SLC4A4: variants seen among roughly 807,000 people sequenced by gnomAD.
SLC4A4 encodes the protein electrogenic sodium bicarbonate cotransporter 1.
Under a neutral mutation model 111.5 loss-of-function variants are expected in SLC4A4, and 27 were observed. The observed-to-expected ratio is 0.24, with a 90% CI of 0.18 to 0.33. The LOEUF (loss-of-function observed/expected upper bound fraction) is 0.33. Among genes scored for constraint, SLC4A4 ranks in the 10% least tolerant of loss-of-function variants. The pLI is 1.00. For synonymous variants in SLC4A4, 443 were observed against 463.4 expected, an observed-to-expected ratio of 0.96 and a Z score of 0.57; for missense variants, 909 against 1,315.5, an observed-to-expected ratio of 0.69 and a Z score of 4.78.
At chr4:71,527,699 A>G (rs1733542800) in intron 16 of SLC4A4, among the ~76,000 whole-genome samples, 1 of 151,758 alleles carries the variant, frequency 6.6e-6, no homozygotes, top group Non-Finnish European at 1.5e-5. Context: ...TCTTTATTAA[A>G]AAAAAAAAGG....
At chr4:71,264,115 G>A (rs1425548239) in intron 3 of SLC4A4, among the ~76,000 whole-genome samples, 1 of 152,010 alleles carries the variant, frequency 6.6e-6, no homozygotes, top group East Asian at 1.9e-4. Flanking sequence ...GTGTATCTGG[G>A]ATAGATATAC....
chr4:71,136,395 T>A (rs565659391), intron 2 of SLC4A4, among the ~76,000 whole-genome samples: 4 of 152,196 alleles, frequency 2.6e-5, no homozygotes, highest in African/African-American at 9.6e-5. Flanking sequence ...CACCTGCCAC[T>A]TGGAACAGAT....
intron 2 of SLC4A4, among the ~76,000 whole-genome samples, chr4:71,254,500 GA>G (rs1248847925): frequency 6.6e-6 from 1 of 151,844 alleles, no homozygotes; most frequent in Non-Finnish European, 1.5e-5. Context: ...TTTTGGAAAT[GA>G]AAAAAGAAAA....
chr4:71,433,993 A>G (rs1723879171), intron 7 of SLC4A4, among the ~76,000 whole-genome samples: 2 of 152,052 alleles, frequency 1.3e-5, no homozygotes, highest in South Asian at 4.1e-4. Flanking sequence ...AGTATGATGC[A>G]TTGAGTATGA....
intron 1 of SLC4A4, among the ~76,000 whole-genome samples, chr4:71,190,385 TACACACACAC>T (rs5859253): frequency 0.011 from 1,617 of 143,758 alleles, 24 homozygotes; most frequent in African/African-American, 0.029. Flanking sequence ...TATGTATGTT[TACACACACAC>T]ACACACACAC....
intron 3 of SLC4A4, among the ~76,000 whole-genome samples, chr4:71,268,509 G>C (rs976492940): frequency 6.6e-6 from 1 of 152,168 alleles, no homozygotes; most frequent in Non-Finnish European, 1.5e-5. Context: ...AGCTTATTTT[G>C]TCATAGTTAG....
intron 6 of SLC4A4, among the ~76,000 whole-genome samples, chr4:71,369,569 A>C (rs1156360771): frequency 6.6e-6 from 1 of 152,194 alleles, no homozygotes; most frequent in Non-Finnish European, 1.5e-5. Context: ...TAAGAGGAAG[A>C]GCTTACTAAG....
At chr4:71,558,147 G>A (rs1306405578) in intron 22 of SLC4A4, among the ~76,000 whole-genome samples, 1 of 151,918 alleles carries the variant, frequency 6.6e-6, no homozygotes, top group Non-Finnish European at 1.5e-5. Context: ...TACCTCATCA[G>A]TAAAATGGGA....
intron 3 of SLC4A4, among the ~76,000 whole-genome samples, chr4:71,291,477 CCA>C (rs1214246717): frequency 1.3e-5 from 2 of 151,658 alleles, no homozygotes; most frequent in Non-Finnish European, 2.9e-5. Context: ...TCTCACTCTG[CCA>C]CCCAGGCTGG....
intron 3 of SLC4A4, among the ~76,000 whole-genome samples, chr4:71,325,558 A>G (rs1025445071): frequency 6.6e-6 from 1 of 151,988 alleles, no homozygotes; most frequent in Non-Finnish European, 1.5e-5. Flanking sequence ...GAGTTGCAAG[A>G]TGGCCATCTG....
intron 21 of SLC4A4, among the ~76,000 whole-genome samples, chr4:71,556,204 G>A (rs1252518744): frequency 6.6e-6 from 1 of 151,964 alleles, no homozygotes; most frequent in Non-Finnish European, 1.5e-5. Context: ...TAGGTCTGCT[G>A]AGTAGAGTTC....
intron 2 of SLC4A4, among the ~76,000 whole-genome samples, chr4:71,164,488 C>T (rs1295496256): frequency 2.6e-5 from 4 of 151,210 alleles, no homozygotes; most frequent in Non-Finnish European, 5.9e-5. Flanking sequence ...GCAGCTGGAA[C>T]ATTCTAAGGC....
chr4:71,535,686 T>A (rs1734350544), intron 18 of SLC4A4, among the ~76,000 whole-genome samples: 1 of 152,062 alleles, frequency 6.6e-6, no homozygotes, highest in Non-Finnish European at 1.5e-5. Flanking sequence ...AAGAACATCA[T>A]GGGAAAGTTG....
At chr4:71,530,644 C>T (rs1047044994) in intron 16 of SLC4A4, among the ~76,000 whole-genome samples, 1 of 152,038 alleles carries the variant, frequency 6.6e-6, no homozygotes, top group Admixed American at 6.6e-5. Context: ...GAAAGGAACT[C>T]CAGGCCAAAA....
intron 2 of SLC4A4, among the ~76,000 whole-genome samples, chr4:71,102,351 G>T (rs1742773666): frequency 6.7e-6 from 1 of 150,054 alleles, no homozygotes; most frequent in Non-Finnish European, 1.5e-5. Flanking sequence ...CACTCTGCAG[G>T]ATATTATCCA....
chr4:71,334,411 C>T (rs1205338579), intron 3 of SLC4A4, among the ~76,000 whole-genome samples: 2 of 151,952 alleles, frequency 1.3e-5, no homozygotes, highest in African/African-American at 2.4e-5. Context: ...CCTCTTTACT[C>T]TTCCCTCTAC....
chr4:71,177,180 A>G (rs1009551976), intron 2 of SLC4A4, among the ~76,000 whole-genome samples: 1 of 152,234 alleles, frequency 6.6e-6, no homozygotes, highest in African/African-American at 2.4e-5. Context: ...TGAAGGAAGC[A>G]CTAAACATGG....
At chr4:71,136,950 A>G (rs943307424) in intron 2 of SLC4A4, among the ~76,000 whole-genome samples, 1 of 152,144 alleles carries the variant, frequency 6.6e-6, no homozygotes, top group African/African-American at 2.4e-5. Context: ...CCTAAATCCA[A>G]GGTCTATGCT....
intron 14 of SLC4A4, among the ~76,000 whole-genome samples, chr4:71,484,020 C>A (rs776647756): frequency 6.0e-5 from 9 of 150,744 alleles, no homozygotes; most frequent in Admixed American, 6.0e-4. Context: ...TTTAATAGGG[C>A]TGGTTTTTTT....
Sources: gnomAD v4.1 joint callset for allele counts (sites outside exome capture counted in the v4.1 genomes callset) on GRCh38, gnomAD v4.1.1 for gene constraint, MANE v1.5 for transcripts, NCBI Gene and HGNC (gene_info 2026-07-23, HGNC 2026-07-21) for gene names.